GCN1: variants seen among roughly 807,000 people sequenced by gnomAD.
The protein encoded by GCN1 is GCN1 activator of EIF2AK4.
GCN1 carries 90 observed loss-of-function variants against 288.4 expected under a neutral mutation model. That is an observed-to-expected ratio of 0.31 (90% CI 0.26 to 0.37). The LOEUF is 0.37. GCN1 is among the 10% of genes least tolerant of loss of function. The pLI is 1.00. For missense variants in GCN1, 2,586 were observed against 3,419.9 expected (o/e 0.76, Z 6.08); for synonymous variants, 1,386 against 1,420.2 (o/e 0.98, Z 0.54).
chr12:120,175,994 T>C, intron 10 of GCN1, 120 bp from the exon 11 acceptor site: 9 of 1,409,186 alleles, frequency 6.4e-6, no homozygotes, highest in Non-Finnish European at 8.9e-6. Flanking sequence ...TCAAATAATC[T>C]CAAGAAAGAA....
In GCN1 at chr12:120,150,138, A is replaced by T; in HGVS notation, c.4310-95T>A. ...GACAGCAACCTCCCTGCCACCTCCCACCCCTCTGGAAACACTCAGAAACAG... is the reference window on the plus strand; with the variant it reads ...GACAGCAACCTCCCTGCCACCTCCCTCCCCTCTGGAAACACTCAGAAACAG... On this transcript the variant is annotated intron_variant, in intron 34 of 57. Coordinates refer to ENST00000300648, the MANE Select transcript of GCN1 (RefSeq NM_006836.2). 2.4e-6 allele frequency: 3 copies of T among 1,249,838 alleles called. No individual in the cohort carries two copies. In the South Asian group the frequency reaches 4.1e-5, roughly 17 times the overall value. 77.4% of individuals were successfully genotyped at this position (1,249,838 alleles called of 1,614,324 possible).
chr12:120,192,332 G>A (rs550863753), intron 1 of GCN1, among the ~76,000 whole-genome samples: 3 of 152,254 alleles, frequency 2.0e-5, no homozygotes, highest in African/African-American at 7.2e-5. Context: ...GTACTTTCTT[G>A]TGTTTGGGTG....
intron 55 of GCN1, 53 bp from the exon 56 acceptor site, chr12:120,130,806 C>A: frequency 8.9e-7 from 1 of 1,123,716 alleles, no homozygotes; most frequent in Non-Finnish European, 1.3e-6. Context: ...TTCCCCAGAG[C>A]CAGGAAAACC....
Position 120,127,860 on chromosome 12 carries a change from T to A in GCN1, c.8005A>T (p.Ile2669Phe). 2 of 1,614,206 alleles carry A rather than the reference T, an allele frequency of 1.2e-6. No individual in the cohort carries two copies. The highest frequency in any genetic ancestry group is 2.2e-5 in the East Asian group (1 of 44,894). The change falls in exon 58 of 58, where the codon ATC (isoleucine) becomes TTC (phenylalanine). Residue 2669 changes from isoleucine (I) to phenylalanine (F), a missense_variant. Ile to Phe is a conservative substitution (Grantham distance 21). Around this residue, in one of 8 missense-constraint regions of GCN1, gnomAD observed 355 missense variants for 431.1 expected, o/e 0.82. Transcript: ENST00000300648. ...CTGGCCCAGGCCTCTCATGTCAGGA[T>A]GGTGTCGTCCACCTGCTCCGTGGAG... is the stretch of plus-strand genomic sequence containing the variant. ...ADSTEQVDDT[I>F]LT
chr12:120,192,893 G>A (rs185277160), intron 1 of GCN1, among the ~76,000 whole-genome samples: 5 of 150,784 alleles, frequency 3.3e-5, no homozygotes, highest in South Asian at 4.2e-4. Flanking sequence ...AAAACTAGCC[G>A]GGCATGGTGG....
At chr12:120,188,906 T>A (rs1023463003) in intron 2 of GCN1, among the ~76,000 whole-genome samples, 2 of 152,188 alleles carry the variant, frequency 1.3e-5, no homozygotes, top group Non-Finnish European at 1.5e-5. Flanking sequence ...GTTTTAGCTA[T>A]CTTTTTTAAA....
intron 4 of GCN1, among the ~76,000 whole-genome samples, 171 bp downstream of exon 4, chr12:120,183,941 C>CGG (rs1447844512): frequency 6.6e-6 from 1 of 152,162 alleles, no homozygotes; most frequent in African/African-American, 2.4e-5. Context: ...CAACTGGTTC[C>CGG]CCTCAAAATG....
chr12:120,158,054 G>GAT lies in GCN1; in HGVS notation c.2906-26_2906-25dup. 1 of 1,610,662 alleles carries GAT rather than the reference G, an allele frequency of 6.2e-7. No homozygotes were observed. Among genetic ancestry groups the GAT allele is most frequent in the Non-Finnish European group, 8.5e-7 (1 of 1,177,684 alleles). On this transcript the variant is annotated intron_variant, in intron 25 of 57. Transcript: ENST00000300648. The surrounding 1 kb of genome is among the most constrained non-coding windows in gnomAD (Gnocchi z 4.3). ...ACCTGTGAGAGCGAGAAGCAGATAA[G>GAT]ATTCTGCAGGCAGGGCAGGGACCCG...
chr12:120,175,261 CAA>C (rs1281791257), intron 11 of GCN1, 49 bp from the exon 12 acceptor site: 2 of 1,508,608 alleles, frequency 1.3e-6, no homozygotes, highest in East Asian at 2.3e-5. Context: ...CCACATTTCC[CAA>C]GAGAGTGAAC....
intron 15 of GCN1, 131 bp downstream of exon 15, chr12:120,170,038 G>C: frequency 3.9e-6 from 3 of 770,464 alleles, no homozygotes; most frequent in East Asian, 2.5e-5. Flanking sequence ...TCATCCTGCA[G>C]ATGACAAGCA....
At chr12:120,189,146 T>C (rs1878921533) in intron 2 of GCN1, among the ~76,000 whole-genome samples, 1 of 152,292 alleles carries the variant, frequency 6.6e-6, no homozygotes, top group East Asian at 1.9e-4. Flanking sequence ...CTCAGCTCAC[T>C]GCAACCTCCA....
Position 120,137,394 on chromosome 12 carries a change from C to T in GCN1, c.6664-75G>A, listed in dbSNP as rs1333449560. The T allele has an allele frequency of 3.2e-5, 46 of 1,429,344 alleles. No individual in the cohort carries two copies. In the South Asian group the frequency reaches 4.5e-4, roughly 14 times the overall value. The allele number at this position is 1,429,344 out of a possible 1,614,324, so 88.5% of individuals were successfully genotyped here. On this transcript the variant is annotated intron_variant, in intron 49 of 57. Transcript: ENST00000300648. The surrounding 1 kb of genome is among the most constrained non-coding windows in gnomAD (Gnocchi z 5.2). ...GCTTCCAAAGAATATATGGGGAAAG[C>T]GTGGGCGGGAGTATAAACAAGACTT...
intron 33 of GCN1, among the ~76,000 whole-genome samples, chr12:120,152,559 G>A (rs544610741): frequency 2.6e-5 from 3 of 117,624 alleles, no homozygotes; most frequent in Non-Finnish European, 4.9e-5. Flanking sequence ...TTATAGGCAT[G>A]AGCCACCACG....
Position 120,163,143 on chromosome 12 carries a change from C to T in GCN1, c.1965G>A (p.Gly655=), listed in dbSNP as rs768107804. The T allele has an allele frequency of 6.2e-7, 1 of 1,614,236 alleles. No individual in the cohort carries two copies. Among genetic ancestry groups the T allele is most frequent in the Non-Finnish European group, 8.5e-7 (1 of 1,180,038 alleles). ...EALCVISGVP[G]LKGDVTDTEQ... ...CAGTGTCGGTGACATCACCCTTGAG[C>T]CCTGGCACACCGGAGATGACACACA... Residue 655 remains glycine, a synonymous_variant, in exon 19 of 58, where the codon GGG becomes GGA. Transcript: ENST00000300648.
At chr12:120,150,766 C>T (rs1309637498) in intron 34 of GCN1, among the ~76,000 whole-genome samples, 5 of 151,156 alleles carry the variant, frequency 3.3e-5, no homozygotes, top group African/African-American at 4.9e-5. Context: ...TGAAACCCCG[C>T]CTCTACTAAA....
At position 120,129,474 on chromosome 12, in the gene GCN1, G is replaced by T; in HGVS notation, c.7692C>A (p.Ser2564Arg). 1 of 1,613,184 alleles carries T rather than the reference G, an allele frequency of 6.2e-7. No homozygotes were observed. The highest frequency in any genetic ancestry group is 8.5e-7 in the Non-Finnish European group (1 of 1,179,144). ...TCTTCTCAGCCACCAGCCTGATGTC[G>T]CTGGATGGGTTCTGCAGACACTGTA... ...LFVKCLQNPS[S>R]DIRLVAEKMI... is the part of the protein sequence containing the mutation. Residue 2564 changes from serine to arginine, a missense_variant, in exon 57 of 58, where the codon AGC becomes AGA. Ser to Arg is a moderately radical substitution (Grantham distance 110, BLOSUM62 -1). Around this residue, in one of 8 missense-constraint regions of GCN1, gnomAD observed 355 missense variants for 431.1 expected, o/e 0.82. Transcript: ENST00000300648.
chr12:120,159,083 C>T (rs1488167006), intron 24 of GCN1, among the ~76,000 whole-genome samples: 2 of 152,002 alleles, frequency 1.3e-5, no homozygotes, highest in African/African-American at 4.8e-5. Context: ...ATCTTTGTGA[C>T]AGCCTCAGAG....
In GCN1 at chr12:120,156,415, T is replaced by A. The variant is rs753308355; in HGVS notation, c.3312+46A>T. 1 of 1,591,274 alleles carries A rather than the reference T, an allele frequency of 6.3e-7. No homozygotes were observed. Among genetic ancestry groups the A allele is most frequent in the Non-Finnish European group, 8.6e-7 (1 of 1,163,110 alleles). On this transcript the variant is annotated intron_variant, in intron 28 of 57. Transcript: ENST00000300648. The surrounding 1 kb of genome is among the most constrained non-coding windows in gnomAD (Gnocchi z 5.8). ...GCCCATCATGCAATTTGCACTTGCA[T>A]AGAGTGACAAGGGACACTGCAGTGG...
Position 120,148,780 on chromosome 12 carries a change from A to AGCTCTACTTT in GCN1, c.4547-444_4547-435dup, listed in dbSNP as rs375288024. Among the ~76,000 whole-genome samples the AGCTCTACTTT allele has an allele frequency of 3.8e-3, 585 of 152,306 alleles. 5 individuals carry two copies. Among genetic ancestry groups the AGCTCTACTTT allele is most frequent in the African/African-American group, 0.014 (567 of 41,558 alleles). The stretch of plus-strand genomic sequence containing the variant: ...ATGGTGATCCTCCCCCAACTAGAGC[A>AGCTCTACTTT]GCTCTACTTTTATCTGTTTGCTTAT... On this transcript the variant is annotated intron_variant, in intron 36 of 57. Coordinates refer to ENST00000300648, the MANE Select transcript of GCN1 (RefSeq NM_006836.2).
Sources: gnomAD v4.1 joint callset for allele counts (sites outside exome capture counted in the v4.1 genomes callset) on GRCh38, gnomAD v4.1.1 for gene constraint, gnomAD v4.1.1 regional missense constraint, Gnocchi (gnomAD v3.1) non-coding constraint, MANE v1.5 for transcripts, NCBI Gene and HGNC (gene_info 2026-07-23, HGNC 2026-07-21) for gene names.